CHLSN: variants seen among roughly 807,000 people sequenced by gnomAD.
The protein encoded by CHLSN is protein cholesin.
the CHLSN span, chr7:1,057,646 A>G: frequency 5.2e-6 from 4 of 770,472 alleles, no homozygotes; most frequent in East Asian, 4.9e-5. Context: ...GGCCTGTGCT[A>G]CAACGCCCTG....
chr7:1,027,745 TCCTCTAC>T, the CHLSN span, among the ~76,000 whole-genome samples: 1 of 151,490 alleles, frequency 6.6e-6, no homozygotes, highest in Non-Finnish European at 1.5e-5. Flanking sequence ...CCCGACGGGG[TCCTCTAC>T]CCCGGCACAG....
chr7:1,020,113 G>A, the CHLSN span, among the ~76,000 whole-genome samples: 1 of 152,230 alleles, frequency 6.6e-6, no homozygotes, highest in African/African-American at 2.4e-5. Flanking sequence ...CTGCTCTGCG[G>A]GAACACGGGC....
At chr7:1,037,707 A>G in the CHLSN span, among the ~76,000 whole-genome samples, 6 of 65,892 alleles carry the variant, frequency 9.1e-5, no homozygotes, top group African/African-American at 3.9e-4. Context: ...CTGGCCGCCC[A>G]TCGTCTGGGA....
At chr7:1,136,673 CTA>C in the CHLSN span, among the ~76,000 whole-genome samples, 2 of 147,430 alleles carry the variant, frequency 1.4e-5, no homozygotes, top group South Asian at 2.1e-4. Context: ...ATATATATAA[CTA>C]TATATATAAC....
the CHLSN span, among the ~76,000 whole-genome samples, chr7:1,023,468 T>C: frequency 0.45 from 68,456 of 151,584 alleles, 16,801 homozygotes; most frequent in African/African-American, 0.66. The surrounding 1 kb of genome is among the most constrained non-coding windows in gnomAD (Gnocchi z 5.0). Context: ...ACCCGAGGCC[T>C]CCTGGGAACC....
chr7:1,077,575 C>T, the CHLSN span, among the ~76,000 whole-genome samples: 1 of 152,270 alleles, frequency 6.6e-6, no homozygotes, highest in African/African-American at 2.4e-5. Context: ...TCTGAACGTG[C>T]AAGCCCTCAG....
chr7:1,012,715 A>G, the CHLSN span, among the ~76,000 whole-genome samples: 3 of 152,234 alleles, frequency 2.0e-5, no homozygotes, highest in Admixed American at 6.5e-5. Context: ...GCTGGGCCTC[A>G]ACAGAAGACG....
the CHLSN span, among the ~76,000 whole-genome samples, chr7:1,027,627 T>A: frequency 6.6e-6 from 1 of 152,260 alleles, no homozygotes; most frequent in Non-Finnish European, 1.5e-5. Flanking sequence ...CTATCCCAAT[T>A]GTTTTCATCA....
At chr7:1,032,348 G>A in the CHLSN span, among the ~76,000 whole-genome samples, 2 of 152,236 alleles carry the variant, frequency 1.3e-5, no homozygotes, top group African/African-American at 4.8e-5. Context: ...CGAGGCTCCT[G>A]TCTGCCAAAT....
chr7:1,090,983 C>G, the CHLSN span, among the ~76,000 whole-genome samples: 1 of 152,132 alleles, frequency 6.6e-6, no homozygotes, highest in Non-Finnish European at 1.5e-5. Flanking sequence ...CTCTCTCTCT[C>G]AGAAACACTG....
the CHLSN span, chr7:1,010,234 C>T: frequency 8.5e-7 from 1 of 1,180,316 alleles, no homozygotes; most frequent in East Asian, 2.6e-5. Context: ...ACCCTCACCT[C>T]AGTAGTGGCC....
chr7:1,009,956 AGG>A, the CHLSN span: 2 of 1,555,334 alleles, frequency 1.3e-6, no homozygotes, highest in African/African-American at 2.7e-5. Flanking sequence ...TCACCTGCAG[AGG>A]TAGTCCAGGG....
the CHLSN span, chr7:1,009,990 T>C: frequency 6.3e-7 from 1 of 1,591,610 alleles, no homozygotes. Context: ...CCCGAGCGCC[T>C]GGCAGGCGGG....
chr7:986,115 C>A, the CHLSN span, among the ~76,000 whole-genome samples: 6 of 152,184 alleles, frequency 3.9e-5, no homozygotes, highest in African/African-American at 1.4e-4. Flanking sequence ...CAGCTCCTTA[C>A]CACAGAGACG....
the CHLSN span, among the ~76,000 whole-genome samples, chr7:1,086,544 A>G: frequency 6.6e-6 from 1 of 152,242 alleles, no homozygotes; most frequent in Admixed American, 6.5e-5. Context: ...TATTTCCTAA[A>G]ATACACATCT....
the CHLSN span, among the ~76,000 whole-genome samples, chr7:983,867 G>A: frequency 6.6e-6 from 1 of 152,224 alleles, no homozygotes; most frequent in South Asian, 2.1e-4. Flanking sequence ...CAGAGGGTAC[G>A]GGGACACGGC....
At chr7:1,049,911 G>A in the CHLSN span, among the ~76,000 whole-genome samples, 2,654 of 152,194 alleles carry the variant, frequency 0.017, 77 homozygotes, top group African/African-American at 0.06. Flanking sequence ...CCTCCTGATT[G>A]CCTCCCACCA....
At chr7:1,040,343 A>T in the CHLSN span, among the ~76,000 whole-genome samples, 1 of 151,996 alleles carries the variant, frequency 6.6e-6, no homozygotes, top group Non-Finnish European at 1.5e-5. Flanking sequence ...AAAACTTTAA[A>T]AATTAGACAA....
chr7:1,100,502 G>A, the CHLSN span, among the ~76,000 whole-genome samples: 1 of 152,220 alleles, frequency 6.6e-6, no homozygotes, highest in Admixed American at 6.5e-5. Context: ...TGAGCCTGGG[G>A]AGGAAAAGCC....
Sources: gnomAD v4.1 joint callset for allele counts (sites outside exome capture counted in the v4.1 genomes callset) on GRCh38, gnomAD v4.1.1 for gene constraint, Gnocchi (gnomAD v3.1) non-coding constraint, MANE v1.5 for transcripts, NCBI Gene and HGNC (gene_info 2026-07-23, HGNC 2026-07-21) for gene names.